The following R3HDM2 variants were observed in gnomAD, a reference collection of about 807,000 sequenced individuals.
R3HDM2 encodes the protein R3H domain containing 2.
In R3HDM2, 38 loss-of-function variants were observed where a neutral mutation model predicts 124.5. The ratio of observed to expected loss-of-function variants is 0.31; its 90% CI spans 0.24 to 0.40. The LOEUF is 0.40. R3HDM2 is among the 10% of genes least tolerant of loss of function. The pLI, the probability that R3HDM2 is intolerant of heterozygous loss-of-function variation, is 1.00. For missense variants in R3HDM2, 869 were observed against 1,236.9 expected, an observed-to-expected ratio of 0.70 and a Z score of 4.46; for synonymous variants, 391 against 448.0, an observed-to-expected ratio of 0.87 and a Z score of 1.61.
intron 2 of R3HDM2, among the ~76,000 whole-genome samples, chr12:57,385,436 G>A (rs1320323888): frequency 6.6e-6 from 1 of 151,778 alleles, no homozygotes; most frequent in East Asian, 2.0e-4. Context: ...TAGAGAGGGG[G>A]TTTCACCGTG....
At chr12:57,380,820 A>G (rs1309987367) in intron 2 of R3HDM2, among the ~76,000 whole-genome samples, 2 of 152,014 alleles carry the variant, frequency 1.3e-5, no homozygotes, top group African/African-American at 2.4e-5. Context: ...GACCGAAACT[A>G]CAATGCTATA....
At chr12:57,315,820 T>A (rs1164624474) in intron 2 of R3HDM2, among the ~76,000 whole-genome samples, 1 of 152,208 alleles carries the variant, frequency 6.6e-6, no homozygotes, top group African/African-American at 2.4e-5. Flanking sequence ...CTACCCACTT[T>A]TAAGAATTTA....
chr12:57,285,139 T>C (rs2047040276), intron 12 of R3HDM2, among the ~76,000 whole-genome samples: 1 of 152,212 alleles, frequency 6.6e-6, no homozygotes, highest in South Asian at 2.1e-4. Flanking sequence ...CCCTTCTTTT[T>C]ACCACCATCC....
chr12:57,367,677 C>A (rs1337775366), intron 2 of R3HDM2, among the ~76,000 whole-genome samples: 2 of 152,188 alleles, frequency 1.3e-5, no homozygotes, highest in Non-Finnish European at 2.9e-5. Context: ...AATCACTGTT[C>A]TATGCTACTC....
intron 3 of R3HDM2, among the ~76,000 whole-genome samples, chr12:57,304,123 C>A (rs986923237): frequency 1.3e-5 from 2 of 152,110 alleles, no homozygotes; most frequent in African/African-American, 4.8e-5. Flanking sequence ...GAAGAGTCTT[C>A]TTCCCAAATG....
intron 2 of R3HDM2, among the ~76,000 whole-genome samples, chr12:57,330,987 C>T (rs994565713): frequency 6.6e-6 from 1 of 151,966 alleles, no homozygotes; most frequent in Non-Finnish European, 1.5e-5. Context: ...CGTGAGCCAC[C>T]GTGCCCGGCC....
intron 3 of R3HDM2, among the ~76,000 whole-genome samples, chr12:57,307,313 TG>T (rs773645153): frequency 0.19 from 28,070 of 150,566 alleles, 3,046 homozygotes; most frequent in Admixed American, 0.28. Flanking sequence ...TGGGTTTTTT[TG>T]TTGTTGTTTT....
At chr12:57,271,737 T>C (rs781121774) in intron 14 of R3HDM2, among the ~76,000 whole-genome samples, 3 of 152,212 alleles carry the variant, frequency 2.0e-5, no homozygotes, top group Non-Finnish European at 4.4e-5. Context: ...TTATCAACTA[T>C]GAGGCAAATC....
intron 22 of R3HDM2, 86 bp downstream of exon 22, chr12:57,256,328 A>G: frequency 1.7e-6 from 2 of 1,179,104 alleles, no homozygotes; most frequent in East Asian, 5.1e-5. Context: ...TTTCCCTTGT[A>G]TACCCAGCTG....
At chr12:57,316,084 G>A (rs1415415523) in intron 2 of R3HDM2, among the ~76,000 whole-genome samples, 1 of 152,204 alleles carries the variant, frequency 6.6e-6, no homozygotes, top group Non-Finnish European at 1.5e-5. Context: ...GCAACAGAGT[G>A]AAACCTGTCT....
intron 2 of R3HDM2, among the ~76,000 whole-genome samples, chr12:57,348,693 C>CAAAAAAAAAAAAAAAA (rs1168127324): frequency 2.4e-4 from 6 of 25,150 alleles, no homozygotes; most frequent in African/African-American, 9.9e-4. Context: ...GACTCCGTCT[C>CAAAAAAAAAAAAAAAA]AAAAAAAAAA....
At chr12:57,293,386 T>A (rs1053196682) in intron 10 of R3HDM2, among the ~76,000 whole-genome samples, 1 of 150,968 alleles carries the variant, frequency 6.6e-6, no homozygotes, top group African/African-American at 2.4e-5. Flanking sequence ...GGAAGAGAAG[T>A]AAGGTACAGT....
intron 15 of R3HDM2, 138 bp from the exon 16 acceptor site, chr12:57,269,587 A>G: frequency 6.9e-7 from 1 of 1,455,518 alleles, no homozygotes; most frequent in South Asian, 1.4e-5. Context: ...GCAGTAAAAC[A>G]AGGATTTATG....
In R3HDM2 at chr12:57,428,397, C is replaced by T. The variant is rs563851046; in HGVS notation, c.-106+2323G>A. Among the ~76,000 whole-genome samples the T allele has an allele frequency of 1.1e-3, 165 of 151,438 alleles. 1 individual carries two copies. Among genetic ancestry groups the T allele is most frequent in the African/African-American group, 3.8e-3 (158 of 41,250 alleles). On this transcript the variant is annotated intron_variant, in intron 1 of 23. Transcript: ENST00000402412. Reference sequence around the variant, plus strand: ...CTGTAATCCCAGCACTTTGGGAGGCCGAGGTGGGCAGATCACGAGGTCAGG... The same window carrying T: ...CTGTAATCCCAGCACTTTGGGAGGCTGAGGTGGGCAGATCACGAGGTCAGG...
chr12:57,313,964 G>A (rs1442191388), intron 2 of R3HDM2, among the ~76,000 whole-genome samples: 4 of 151,532 alleles, frequency 2.6e-5, no homozygotes, highest in Admixed American at 6.6e-5. Flanking sequence ...TGAGGTGGGC[G>A]GATCACCTGA....
chr12:57,284,069 T>C lies in R3HDM2; in HGVS notation c.939-13A>G, dbSNP rs578176063. 1.8e-4 allele frequency: 277 copies of C among 1,579,056 alleles called. No individual in the cohort carries two copies. Among genetic ancestry groups the C allele is most frequent in the Non-Finnish European group, 2.2e-4 (259 of 1,162,502 alleles). On this transcript the variant is annotated splice_polypyrimidine_tract_variant and intron_variant, in intron 12 of 23. Coordinates refer to ENST00000402412, the MANE Select transcript of R3HDM2 (RefSeq NM_001394031.1). Reference sequence around the variant, plus strand: ...TTCACGGTTCCCCCTGCAGAGACCATAGTGGTCAGAGCACCTCCCACCCAC... The same window carrying C: ...TTCACGGTTCCCCCTGCAGAGACCACAGTGGTCAGAGCACCTCCCACCCAC...
chr12:57,398,152 G>A (rs917378853), intron 1 of R3HDM2, among the ~76,000 whole-genome samples: 33 of 149,948 alleles, frequency 2.2e-4, no homozygotes, highest in African/African-American at 7.8e-4. Context: ...GTAATGAGCC[G>A]AAATCATGCC....
intron 14 of R3HDM2, among the ~76,000 whole-genome samples, chr12:57,271,247 T>A (rs916457769): frequency 1.3e-5 from 2 of 152,054 alleles, no homozygotes; most frequent in Non-Finnish European, 2.9e-5. Context: ...TACTTCCAAT[T>A]CTCACCTCCA....
At chr12:57,403,528 G>A (rs1316777209) in intron 1 of R3HDM2, among the ~76,000 whole-genome samples, 1 of 151,220 alleles carries the variant, frequency 6.6e-6, no homozygotes, top group Non-Finnish European at 1.5e-5. Flanking sequence ...GCAAGATGGG[G>A]CCTGGCATGG....
Sources: allele counts gnomAD v4.1 joint callset (sites outside exome capture counted in the v4.1 genomes callset), GRCh38; gene constraint gnomAD v4.1.1; transcripts MANE v1.5; gene names NCBI Gene and HGNC (gene_info 2026-07-23, HGNC 2026-07-21).